Variants in ADGRB3 observed in about 807,000 individuals in gnomAD.
The protein encoded by ADGRB3 is brain-specific angiogenesis inhibitor 3.
In ADGRB3, 37 loss-of-function variants were observed where a neutral mutation model predicts 193.4. The observed-to-expected ratio is 0.19, with a 90% CI of 0.15 to 0.25. The LOEUF (loss-of-function observed/expected upper bound fraction) is 0.25. ADGRB3 is among the 10% of genes least tolerant of loss of function. The pLI is 1.00. For missense variants in ADGRB3, 1,637 were observed against 1,852.9 expected, an observed-to-expected ratio of 0.88 and a Z score of 2.14; for synonymous variants, 690 against 644.2, an observed-to-expected ratio of 1.07 and a Z score of -1.08.
intron 20 of ADGRB3, among the ~76,000 whole-genome samples, chr6:69,266,562 A>G (rs1767044267): frequency 6.6e-6 from 1 of 152,180 alleles, no homozygotes; most frequent in Admixed American, 6.6e-5. Flanking sequence ...TCTGTTCACC[A>G]GTTTCAATGT....
intron 17 of ADGRB3, among the ~76,000 whole-genome samples, chr6:69,210,518 CTTCAA>C (rs1469486103): frequency 6.6e-6 from 1 of 152,062 alleles, no homozygotes; most frequent in African/African-American, 2.4e-5. Flanking sequence ...ACTTTGTATT[CTTCAA>C]TTCAATCAAG....
At chr6:69,297,827 C>T (rs913136020) in intron 20 of ADGRB3, among the ~76,000 whole-genome samples, 1 of 151,982 alleles carries the variant, frequency 6.6e-6, no homozygotes, top group African/African-American at 2.4e-5. Flanking sequence ...ATTGATCTCT[C>T]TCCAATTACA....
At chr6:69,285,738 G>A (rs1006808309) in intron 20 of ADGRB3, among the ~76,000 whole-genome samples, 1 of 151,868 alleles carries the variant, frequency 6.6e-6, no homozygotes, top group Non-Finnish European at 1.5e-5. Flanking sequence ...AGAACTACTT[G>A]CAACCCTCTA....
At chr6:69,274,445 T>TTTCCTTCCTTCCTTCCTTCCTTCC (rs550005820) in intron 20 of ADGRB3, among the ~76,000 whole-genome samples, 3,698 of 123,318 alleles carry the variant, frequency 0.03, 239 homozygotes, top group African/African-American at 0.077. Context: ...GGTGGTTGCA[T>TTTCCTTCCTTCCTTCCTTCCTTCC]TTCCTTCCTT....
At chr6:69,307,676 CTT>C (rs1021699975) in intron 20 of ADGRB3, among the ~76,000 whole-genome samples, 1 of 150,542 alleles carries the variant, frequency 6.6e-6, no homozygotes, top group Non-Finnish European at 1.5e-5. Context: ...AAAGGTAGGA[CTT>C]TTTTTTTCTC....
At chr6:68,852,370 TTAAG>T (rs766120586) in intron 3 of ADGRB3, among the ~76,000 whole-genome samples, 3 of 151,924 alleles carry the variant, frequency 2.0e-5, no homozygotes, top group African/African-American at 7.2e-5. Context: ...ATTGAATACA[TTAAG>T]TAACATTGAA....
At chr6:68,753,900 A>G (rs931740445) in intron 3 of ADGRB3, among the ~76,000 whole-genome samples, 2 of 152,168 alleles carry the variant, frequency 1.3e-5, no homozygotes, top group African/African-American at 4.8e-5. Flanking sequence ...TGAAGGCACA[A>G]AGTCATTTTA....
intron 3 of ADGRB3, among the ~76,000 whole-genome samples, chr6:68,760,030 T>C (rs1335972813): frequency 6.6e-6 from 1 of 152,146 alleles, no homozygotes; most frequent in African/African-American, 2.4e-5. Flanking sequence ...ACTTGGAAAA[T>C]TACATTTAAT....
At position 69,382,673 on chromosome 6, in the gene ADGRB3, G is replaced by A. The variant is rs534844199; in HGVS notation, c.4276-158G>A. Among the ~76,000 whole-genome samples, 10 of 151,922 alleles carry A rather than the reference G, an allele frequency of 6.6e-5. No homozygotes were observed. The South Asian group carries it at 1.2e-3, about 19-fold the overall frequency. On this transcript the variant is annotated intron_variant, in intron 30 of 31. Transcript: ENST00000370598. ...TAAGAAGTGCTGAATATGAGACAAT[G>A]ATTTGCTGCAACTTATTTGCATTTG...
chr6:68,839,786 T>C (rs979283568), intron 3 of ADGRB3, among the ~76,000 whole-genome samples: 16 of 152,094 alleles, frequency 1.1e-4, no homozygotes, highest in Non-Finnish European at 2.2e-4. Flanking sequence ...TTCATATTAC[T>C]GAAAAAGGCA....
chr6:69,148,847 A>G (rs1310237556), intron 17 of ADGRB3, among the ~76,000 whole-genome samples: 2 of 152,186 alleles, frequency 1.3e-5, no homozygotes, highest in South Asian at 4.1e-4. Context: ...GGCACCTTAA[A>G]TATGTCATGC....
intron 30 of ADGRB3, among the ~76,000 whole-genome samples, chr6:69,376,790 T>C (rs1582666491): frequency 6.6e-6 from 1 of 152,212 alleles, no homozygotes; most frequent in East Asian, 1.9e-4. Flanking sequence ...ATCTGGGTAC[T>C]TTTAGAGGAA....
intron 3 of ADGRB3, among the ~76,000 whole-genome samples, chr6:68,894,512 T>C (rs1766166677): frequency 6.6e-6 from 1 of 151,956 alleles, no homozygotes; most frequent in Non-Finnish European, 1.5e-5. Context: ...CTGAAAATTA[T>C]GGAATGAGCC....
chr6:68,689,142 G>A (rs1765029201), intron 3 of ADGRB3, among the ~76,000 whole-genome samples: 1 of 152,192 alleles, frequency 6.6e-6, no homozygotes, highest in Admixed American at 6.5e-5. Context: ...AAAAGCAACA[G>A]TGGGAAGTTG....
chr6:69,048,463 T>C, intron 14 of ADGRB3, 129 bp downstream of exon 14: 1 of 980,106 alleles, frequency 1.0e-6, no homozygotes, highest in Non-Finnish European at 1.5e-6. Context: ...TTAAACTAAT[T>C]TTCTAAATAT....
intron 3 of ADGRB3, among the ~76,000 whole-genome samples, chr6:68,865,437 G>T (rs923072436): frequency 1.3e-5 from 2 of 152,094 alleles, no homozygotes; most frequent in Admixed American, 1.3e-4. Context: ...TCTCTGCAAG[G>T]TGAAGAAGAA....
intron 3 of ADGRB3, among the ~76,000 whole-genome samples, chr6:68,884,270 G>A (rs1308039600): frequency 6.6e-6 from 1 of 152,216 alleles, no homozygotes; most frequent in Non-Finnish European, 1.5e-5. Context: ...TGTCAGGAGA[G>A]TGAAGAGCTC....
chr6:68,974,658 G>A, intron 8 of ADGRB3, 105 bp from the exon 9 acceptor site: 2 of 815,600 alleles, frequency 2.5e-6, no homozygotes, highest in Non-Finnish European at 3.9e-6. Flanking sequence ...GAAAAAAAAA[G>A]AAAACTAAAG....
chr6:68,888,566 C>T (rs1022972991), intron 3 of ADGRB3, among the ~76,000 whole-genome samples: 2 of 151,506 alleles, frequency 1.3e-5, no homozygotes, highest in African/African-American at 4.9e-5. Flanking sequence ...CACACACACA[C>T]ACACACACAT....
Sources: gnomAD v4.1 joint callset for allele counts (sites outside exome capture counted in the v4.1 genomes callset) on GRCh38, gnomAD v4.1.1 for gene constraint, MANE v1.5 for transcripts, NCBI Gene and HGNC (gene_info 2026-07-23, HGNC 2026-07-21) for gene names.